The following FGF14 variants were observed in gnomAD, a reference collection of about 807,000 sequenced individuals.
The protein encoded by FGF14 is fibroblast growth factor homologous factor 4.
In FGF14, 5 loss-of-function variants were observed where a neutral mutation model predicts 25.5. The ratio of observed to expected loss-of-function variants is 0.20; its 90% CI spans 0.10 to 0.41. The LOEUF (loss-of-function observed/expected upper bound fraction) is 0.41. Among genes scored for constraint, FGF14 ranks in the 10% least tolerant of loss-of-function variants. The pLI, the probability that FGF14 is intolerant of heterozygous loss-of-function variation, is 1.00. For missense variants in FGF14, 222 were observed against 320.1 expected (o/e 0.69, Z 2.34); for synonymous variants, 138 against 118.3 (o/e 1.17, Z -1.08).
chr13:101,908,932 T>C (rs919359080), intron 1 of FGF14, among the ~76,000 whole-genome samples: 4 of 152,018 alleles, frequency 2.6e-5, no homozygotes, highest in Non-Finnish European at 5.9e-5. Flanking sequence ...TCAGAAATAA[T>C]GCCACATATC....
intron 1 of FGF14, among the ~76,000 whole-genome samples, chr13:101,940,897 T>C (rs1455966590): frequency 1.3e-5 from 2 of 152,106 alleles, no homozygotes; most frequent in African/African-American, 2.4e-5. Context: ...ATTTTTCATA[T>C]GCAAAATAAA....
rs1185149715 is a variant in FGF14, at chr13:101,916,598, C to G, written c.48G>C (p.Ala16=). The change falls in exon 1 of 5, where the codon GCG becomes GCC. Residue 16 remains alanine (A), a synonymous_variant. Transcript: ENST00000376143. The part of the protein sequence containing the change: ...ASGLIRQKRQ[A]REQHWDRPSA... ...ACGGCCGGTCCCAGTGCTGCTCCCG[C>G]GCCTGCCGCTTCTGGCGGATCAAGC... is the stretch of plus-strand genomic sequence containing the variant. 7 of 1,593,222 alleles carry G rather than the reference C, an allele frequency of 4.4e-6. No individual in the cohort carries two copies. The highest frequency in any genetic ancestry group is 6.0e-6 in the Non-Finnish European group (7 of 1,170,212).
intron 1 of FGF14, among the ~76,000 whole-genome samples, chr13:102,337,085 G>A (rs2056809399): frequency 6.6e-6 from 1 of 152,164 alleles, no homozygotes; most frequent in Admixed American, 6.6e-5. Flanking sequence ...CAAATTTGAA[G>A]TCTTATCCTT....
At chr13:101,919,283 A>T (rs919510856), upstream of FGF14, among the ~76,000 whole-genome samples, 5 of 152,048 alleles carry the variant, frequency 3.3e-5, no homozygotes, top group Non-Finnish European at 7.4e-5. Context: ...GTAAGATTAA[A>T]GCATCCAGGT....
At chr13:102,150,084 G>C (rs746120846) in intron 1 of FGF14, among the ~76,000 whole-genome samples, 9 of 152,182 alleles carry the variant, frequency 5.9e-5, no homozygotes, top group Admixed American at 6.5e-5. Context: ...AGCGGAGTAA[G>C]ACAGTGGAAA....
At chr13:101,900,491 TCA>T (rs2031388197) in intron 1 of FGF14, among the ~76,000 whole-genome samples, 2 of 152,232 alleles carry the variant, frequency 1.3e-5, no homozygotes, top group Admixed American at 6.5e-5. Context: ...AAGGGGGACT[TCA>T]CTACAGATTT....
At chr13:101,967,748 G>A (rs1471203981) in intron 1 of FGF14, 2 of 154,356 alleles carry the variant, frequency 1.3e-5, no homozygotes, top group Non-Finnish European at 2.9e-5. Flanking sequence ...AAAGGGGGCA[G>A]AGAGCATATC....
At chr13:102,171,395 T>C (rs546116846) in intron 1 of FGF14, among the ~76,000 whole-genome samples, 1 of 152,310 alleles carries the variant, frequency 6.6e-6, no homozygotes, top group Admixed American at 6.5e-5. Flanking sequence ...CTTACCATCA[T>C]TAGAAATGAC....
chr13:102,313,091 T>C (rs1206527696), intron 1 of FGF14, among the ~76,000 whole-genome samples: 2 of 152,182 alleles, frequency 1.3e-5, no homozygotes, highest in African/African-American at 4.8e-5. Context: ...CAAGCACTGA[T>C]AGCCTTACAG....
At chr13:101,950,249 A>G (rs573294329) in intron 1 of FGF14, among the ~76,000 whole-genome samples, 17 of 152,224 alleles carry the variant, frequency 1.1e-4, no homozygotes, top group South Asian at 1.0e-3. Flanking sequence ...CCCAACATAA[A>G]TTTCTAAACT....
At chr13:102,026,728 A>G (rs1196462399) in intron 1 of FGF14, among the ~76,000 whole-genome samples, 2 of 152,026 alleles carry the variant, frequency 1.3e-5, no homozygotes, top group Non-Finnish European at 2.9e-5. Context: ...CACTGGGTAG[A>G]GCAGTACATA....
intron 1 of FGF14, among the ~76,000 whole-genome samples, chr13:102,225,464 T>C (rs2050789686): frequency 6.6e-6 from 1 of 152,214 alleles, no homozygotes; most frequent in Admixed American, 6.6e-5. Flanking sequence ...CTTTATTTTA[T>C]GCTGCACTAG....
intron 1 of FGF14, among the ~76,000 whole-genome samples, chr13:102,203,950 C>T (rs985311619): frequency 3.3e-5 from 5 of 152,186 alleles, no homozygotes; most frequent in Admixed American, 2.0e-4. Flanking sequence ...TCTGACAGAA[C>T]AACTGGTTTA....
intron 1 of FGF14, among the ~76,000 whole-genome samples, chr13:102,377,377 T>C (rs2058065043): frequency 6.6e-6 from 1 of 152,130 alleles, no homozygotes; most frequent in African/African-American, 2.4e-5. Context: ...TGTAAATAAT[T>C]AGGGAAGAGA....
chr13:102,004,670 T>C (rs575558478), intron 1 of FGF14, among the ~76,000 whole-genome samples: 1 of 152,230 alleles, frequency 6.6e-6, no homozygotes, highest in Admixed American at 6.5e-5. Flanking sequence ...GCTGATATGG[T>C]TTGGCTGTGT....
intron 1 of FGF14, among the ~76,000 whole-genome samples, chr13:102,350,351 G>A (rs1266462731): frequency 6.6e-6 from 1 of 151,030 alleles, no homozygotes; most frequent in Non-Finnish European, 1.5e-5. Flanking sequence ...TCCAGCCTAG[G>A]TGACAGAGTG....
chr13:102,158,363 CT>C (rs1191714915), intron 1 of FGF14, among the ~76,000 whole-genome samples: 2 of 152,166 alleles, frequency 1.3e-5, no homozygotes, highest in African/African-American at 4.8e-5. Flanking sequence ...AGTTCACGTC[CT>C]TTGCAGGGAC....
intron 1 of FGF14, among the ~76,000 whole-genome samples, chr13:101,952,746 G>A (rs998685236): frequency 6.6e-6 from 1 of 152,256 alleles, no homozygotes; most frequent in Non-Finnish European, 1.5e-5. Flanking sequence ...AAAATGTCTT[G>A]GAGGTCAGGT....
intron 1 of FGF14, among the ~76,000 whole-genome samples, chr13:101,888,189 G>A (rs2046091391): frequency 6.6e-6 from 1 of 152,168 alleles, no homozygotes; most frequent in Non-Finnish European, 1.5e-5. Flanking sequence ...GAACATCAGA[G>A]AAATAGTAAA....
Sources: allele counts gnomAD v4.1 joint callset (sites outside exome capture counted in the v4.1 genomes callset), GRCh38; gene constraint gnomAD v4.1.1; transcripts MANE v1.5; gene names NCBI Gene and HGNC (gene_info 2026-07-23, HGNC 2026-07-21).